CDH6: variants seen among roughly 807,000 people sequenced by gnomAD.
CDH6 encodes the protein cadherin 6.
A neutral mutation model predicts 78.0 loss-of-function variants in CDH6; 31 were observed. The observed-to-expected ratio is 0.40, with a 90% confidence interval of 0.30 to 0.54. The LOEUF is 0.54. CDH6 is among the 20% of genes least tolerant of loss of function. The pLI, the probability that CDH6 is intolerant of heterozygous loss-of-function variation, is 0.56. For synonymous variants in CDH6, 376 were observed against 368.8 expected, an observed-to-expected ratio of 1.02 and a Z score of -0.23; for missense variants, 724 against 975.9, an observed-to-expected ratio of 0.74 and a Z score of 3.44.
At chr5:31,218,880 T>A (rs550082435) in intron 1 of CDH6, among the ~76,000 whole-genome samples, 15 of 152,274 alleles carry the variant, frequency 9.9e-5, no homozygotes, top group African/African-American at 3.6e-4. Context: ...CCCCTACCAC[T>A]TCGCTCTTTC....
At chr5:31,304,512 C>T (rs1400733351) in intron 6 of CDH6, among the ~76,000 whole-genome samples, 3 of 151,836 alleles carry the variant, frequency 2.0e-5, no homozygotes, top group East Asian at 3.9e-4. Context: ...TGATGAAGCC[C>T]TGTTTCTACT....
intron 2 of CDH6, among the ~76,000 whole-genome samples, chr5:31,291,542 T>C (rs992516214): frequency 2.6e-5 from 4 of 152,096 alleles, no homozygotes; most frequent in African/African-American, 9.7e-5. Flanking sequence ...GTTAATTGAC[T>C]CTGCTGTGTT....
Position 31,233,693 on chromosome 5 carries a change from A to G in CDH6, c.-128-33653A>G, listed in dbSNP as rs529976368. ...GGCTACGACATTTGCTGTTTTTTCTACTGGAAACTTCCGCCAGTTCTTCCC... is the reference window on the plus strand; with the variant it reads ...GGCTACGACATTTGCTGTTTTTTCTGCTGGAAACTTCCGCCAGTTCTTCCC... On this transcript the variant is annotated intron_variant, in intron 1 of 11. Transcript: ENST00000265071. 3.9e-5 allele frequency among the ~76,000 whole-genome samples: 6 copies of G among 152,202 alleles called. No individual in the cohort carries two copies. The South Asian group carries it at 1.2e-3, about 32-fold the overall frequency.
intron 1 of CDH6, among the ~76,000 whole-genome samples, chr5:31,229,436 T>C (rs1437240061): frequency 6.6e-6 from 1 of 152,336 alleles, no homozygotes; most frequent in Non-Finnish European, 1.5e-5. Flanking sequence ...AACTGGAGGC[T>C]CAGGAAAATA....
In CDH6 at chr5:31,322,915, C is replaced by G; in HGVS notation, c.1980C>G (p.Asn660Lys). 1.2e-6 allele frequency: 2 copies of G among 1,614,124 alleles called. No homozygotes were observed. The highest frequency in any genetic ancestry group is 8.5e-7 in the Non-Finnish European group (1 of 1,180,004). The change falls in exon 12 of 12, where the codon AAC becomes AAG. Residue 660 changes from asparagine (N) to lysine (K), a missense_variant. This residue lies in a region of CDH6 where 220 missense variants were observed against 240.6 expected (regional missense o/e 0.91). Transcript: ENST00000265071. ...EDIRDNIVSY[N>K]DEGGGEEDTQ... ...TCAGAGATAACATTGTCAGTTACAACGACGAAGGTGGTGGAGAGGAGGACA... is the reference window on the plus strand; with the variant it reads ...TCAGAGATAACATTGTCAGTTACAAGGACGAAGGTGGTGGAGAGGAGGACA...
In CDH6 at chr5:31,294,036, C is replaced by T; in HGVS notation, c.303C>T (p.Phe101=). The stretch of plus-strand genomic sequence containing the variant: ...CAGGAGATGGAGCAGGAGATCTCTT[C>T]ATTATTAATGAAAACACAGGCGACA... ...ILSGDGAGDL[F]IINENTGDIQ... Residue 101 remains phenylalanine, a synonymous_variant, in exon 3 of 12, where the codon TTC becomes TTT. Transcript: ENST00000265071. This position sits in a 1 kb window ranked among gnomAD's most constrained non-coding sequence, Gnocchi z 4.1. 6.2e-7 allele frequency: 1 copy of T among 1,613,232 alleles called. No individual in the cohort carries two copies.
At position 31,317,375 on chromosome 5, in the gene CDH6, T is replaced by G. The variant is rs770999293; in HGVS notation, c.1513T>G (p.Leu505Val). 10 of 1,494,938 alleles carry G rather than the reference T, an allele frequency of 6.7e-6. No homozygotes were observed. The highest frequency in any genetic ancestry group is 9.2e-6 in the Non-Finnish European group (10 of 1,087,576). The allele number at this position is 1,494,938 out of a possible 1,614,324, so 92.6% of individuals were successfully genotyped here. The change falls in exon 10 of 12, where the codon TTG becomes GTG. Residue 505 changes from leucine (L) to valine (V), a missense_variant and splice_region_variant. Coordinates refer to ENST00000265071, the MANE Select transcript of CDH6 (RefSeq NM_004932.4). ...GGCAGCGTTTTGGTTTTTCTCTTAG[T>G]TGATTCAGACCCTGCATGCTGTTGA... is the stretch of plus-strand genomic sequence containing the variant. ...FVCEKAKADQ[L>V]IQTLHAVDKD...
intron 11 of CDH6, 76 bp from the exon 12 acceptor site, chr5:31,322,742 A>T: frequency 6.7e-7 from 1 of 1,496,460 alleles, no homozygotes. Flanking sequence ...ACATTTGAGC[A>T]CAGTGTTTCT....
intron 1 of CDH6, among the ~76,000 whole-genome samples, chr5:31,224,490 G>T (rs910899059): frequency 6.6e-6 from 1 of 152,150 alleles, no homozygotes; most frequent in Non-Finnish European, 1.5e-5. Context: ...AAGTAATATG[G>T]ACAGCTAGAA....
At chr5:31,225,225 T>C (rs1441583232) in intron 1 of CDH6, among the ~76,000 whole-genome samples, 1 of 152,254 alleles carries the variant, frequency 6.6e-6, no homozygotes, top group Non-Finnish European at 1.5e-5. Flanking sequence ...CTAACTGTTC[T>C]ATTTGATGCA....
At chr5:31,209,502 AG>A (rs1395691129) in intron 1 of CDH6, among the ~76,000 whole-genome samples, 5 of 152,274 alleles carry the variant, frequency 3.3e-5, no homozygotes, top group Non-Finnish European at 5.9e-5. Flanking sequence ...GTGGGAGTAA[AG>A]GGGAAGGCAA....
At chr5:31,202,322 A>G (rs1740375236) in intron 1 of CDH6, among the ~76,000 whole-genome samples, 2 of 152,218 alleles carry the variant, frequency 1.3e-5, no homozygotes, top group Non-Finnish European at 2.9e-5. Context: ...AGTCTCATTA[A>G]TCTACTAGCA....
In CDH6 at chr5:31,323,178, A is replaced by G. The variant is rs1431465518; in HGVS notation, c.2243A>G (p.Asp748Gly). The change falls in exon 12 of 12, where the codon GAT becomes GGT. Residue 748 changes from aspartate (D) to glycine (G), a missense_variant. Transcript: ENST00000265071. ...TATGAAGGCACTGGCTCCGTGGCGG[A>G]TTCCCTGAGCTCGCTGGAGTCAGTG... Reference protein sequence around the residue: ...YAYEGTGSVADSLSSLESVTT... With the variant: ...YAYEGTGSVAGSLSSLESVTT... 1 of 1,614,188 alleles carries G rather than the reference A, an allele frequency of 6.2e-7. No homozygotes were observed. The highest frequency in any genetic ancestry group is 2.2e-5 in the East Asian group (1 of 44,880).
chr5:31,226,197 T>C (rs559442909), intron 1 of CDH6, among the ~76,000 whole-genome samples: 1 of 152,116 alleles, frequency 6.6e-6, no homozygotes, highest in Non-Finnish European at 1.5e-5. Flanking sequence ...ATTTTTGAGA[T>C]AGCATCTCAC....
intron 5 of CDH6, 68 bp from the exon 6 acceptor site, chr5:31,302,043 T>A: frequency 9.4e-7 from 1 of 1,061,092 alleles, no homozygotes; most frequent in Non-Finnish European, 1.4e-6. Flanking sequence ...AGAGAATAGG[T>A]TTTGTTTTTA....
Position 31,305,235 on chromosome 5 carries a change from T to C in CDH6, c.1061T>C (p.Val354Ala), listed in dbSNP as rs867270893. The part of the protein sequence containing the change: ...TLKVEASNPY[V>A]EPRFLYLGPF... ...AAAGTGGAAGCCTCCAATCCTTATG[T>C]TGAGCCACGATTTCTCTACTTGGGG... The change falls in exon 7 of 12, where the codon GTT becomes GCT. Residue 354 changes from valine to alanine, a missense_variant. Around this residue, in one of 3 missense-constraint regions of CDH6, gnomAD observed 446 missense variants for 684.5 expected, o/e 0.65. Transcript: ENST00000265071. 1.2e-6 allele frequency: 2 copies of C among 1,614,120 alleles called. No homozygotes were observed. Among genetic ancestry groups the C allele is most frequent in the Middle Eastern group, 1.6e-4 (1 of 6,062 alleles).
chr5:31,278,908 CT>C (rs1742777811), intron 2 of CDH6, among the ~76,000 whole-genome samples: 1 of 152,108 alleles, frequency 6.6e-6, no homozygotes, highest in Non-Finnish European at 1.5e-5. Flanking sequence ...TTACACAAAG[CT>C]TTAGCATGCT....
intron 1 of CDH6, among the ~76,000 whole-genome samples, chr5:31,194,581 C>T (rs4867317): frequency 0.99 from 150,918 of 152,234 alleles, 74,819 homozygotes; most frequent in Middle Eastern, 1. Flanking sequence ...AAGTCCAACA[C>T]TGGACTCCGA....
At chr5:31,270,952 G>C (rs1034990333) in intron 2 of CDH6, among the ~76,000 whole-genome samples, 3 of 152,046 alleles carry the variant, frequency 2.0e-5, no homozygotes, top group Non-Finnish European at 2.9e-5. Context: ...AGAATAGTTC[G>C]CTTGACATAT....
Sources: gnomAD v4.1 joint callset for allele counts (sites outside exome capture counted in the v4.1 genomes callset) on GRCh38, gnomAD v4.1.1 for gene constraint, gnomAD v4.1.1 regional missense constraint, Gnocchi (gnomAD v3.1) non-coding constraint, MANE v1.5 for transcripts, NCBI Gene and HGNC (gene_info 2026-07-23, HGNC 2026-07-21) for gene names.